The following CD22 variants were observed in gnomAD, a reference collection of about 807,000 sequenced individuals.
The protein encoded by CD22 is B-cell receptor CD22.
CD22 carries 51 observed loss-of-function variants against 94.7 expected under a neutral mutation model. That is an observed-to-expected ratio of 0.54 (90% CI 0.43 to 0.68). CD22 has a LOEUF of 0.68. Among genes scored for constraint, CD22 ranks in the 30% least tolerant of loss-of-function variants. The pLI, the probability that CD22 is intolerant of heterozygous loss-of-function variation, is 0.00. For synonymous variants in CD22, 424 were observed against 422.5 expected (o/e 1.00, Z -0.04); for missense variants, 931 against 1,060.4 (o/e 0.88, Z 1.69).
intron 6 of CD22, among the ~76,000 whole-genome samples, chr19:35,340,575 C>T (rs374301182): frequency 9.9e-5 from 15 of 152,170 alleles, no homozygotes; most frequent in Admixed American, 2.0e-4. Flanking sequence ...CCACCATGCC[C>T]GGCCTCAGGA....
Position 35,336,350 on chromosome 19 carries a change from C to T in CD22, c.718+9C>T. On this transcript the variant is annotated intron_variant, in intron 4 of 13. Coordinates refer to ENST00000085219, the MANE Select transcript of CD22 (RefSeq NM_001771.4). ...GCAGCTGAACGTGAAGCGTGAGTCT[C>T]CCCGGCATGCCTGTGGGAAGGGCAA... 7 of 1,611,820 alleles carry T rather than the reference C, an allele frequency of 4.3e-6. No homozygotes were observed. The highest frequency in any genetic ancestry group is 5.9e-6 in the Non-Finnish European group (7 of 1,178,400).
chr19:35,340,510 C>T (rs1337381414), intron 6 of CD22, among the ~76,000 whole-genome samples: 1 of 152,150 alleles, frequency 6.6e-6, no homozygotes, highest in African/African-American at 2.4e-5. Flanking sequence ...GAACTCCTGA[C>T]CTCAGGTGAT....
At chr19:35,346,527 G>T in intron 13 of CD22, 39 bp from the exon 14 acceptor site, 4 of 1,577,784 alleles carry the variant, frequency 2.5e-6, no homozygotes, top group Non-Finnish European at 2.6e-6. Context: ...GGAGGCTGGC[G>T]ACAGTGGGGC....
At chr19:35,346,336 C>A in intron 13 of CD22, 101 bp downstream of exon 13, 1 of 1,169,964 alleles carries the variant, frequency 8.5e-7, no homozygotes, top group Non-Finnish European at 1.3e-6. Context: ...GTTGGGTAGG[C>A]ATCCGTGGTG....
rs950083658 is a variant in CD22 at position 35,339,770 on chromosome 19, C to T, written c.1250-1111C>T. Among the ~76,000 whole-genome samples, 10 of 152,148 alleles carry T rather than the reference C, an allele frequency of 6.6e-5. No homozygotes were observed. The East Asian group carries it at 1.4e-3, about 21-fold the overall frequency. The stretch of plus-strand genomic sequence containing the variant: ...ACCTGGGAGGCTGAGGCAGGAGAAT[C>T]GCTTGAACCCAGGAGGCAGAGGTTG... On this transcript the variant is annotated intron_variant, in intron 6 of 13. Coordinates refer to ENST00000085219, the MANE Select transcript of CD22 (RefSeq NM_001771.4).
intron 13 of CD22, 72 bp from the exon 14 acceptor site, chr19:35,346,494 A>G: frequency 6.5e-7 from 1 of 1,549,774 alleles, no homozygotes; most frequent in South Asian, 1.2e-5. Context: ...AATGAAGGAG[A>G]GAATGCGGAG....
At chr19:35,335,433 TG>T (rs773698900) in intron 3 of CD22, among the ~76,000 whole-genome samples, 3 of 152,050 alleles carry the variant, frequency 2.0e-5, no homozygotes, top group Non-Finnish European at 2.9e-5. Context: ...GGCACATGCC[TG>T]TAGTCCCAGT....
Position 35,346,254 on chromosome 19 carries a change from G to A in CD22, c.2412+19G>A. 1 of 1,604,658 alleles carries A rather than the reference G, an allele frequency of 6.2e-7. No individual in the cohort carries two copies. Among genetic ancestry groups the A allele is most frequent in the Admixed American group, 1.7e-5 (1 of 60,010 alleles). Reference sequence around the variant, plus strand: ...CCAAGTGGTAAGGAGGGTCTCCCCAGGTCTCCCCAGAGGGGCTGTGGAAGG... The same window carrying A: ...CCAAGTGGTAAGGAGGGTCTCCCCAAGTCTCCCCAGAGGGGCTGTGGAAGG... On this transcript the variant is annotated intron_variant, in intron 13 of 13. Transcript: ENST00000085219.
Position 35,337,319 on chromosome 19 carries a change from G to A in CD22, c.719-436G>A, listed in dbSNP as rs908504723. On this transcript the variant is annotated intron_variant, in intron 4 of 13. Transcript: ENST00000085219. This position sits in a 1 kb window ranked among gnomAD's most constrained non-coding sequence, Gnocchi z 4.4. ...CTGAGGCCGGCACATATTTGGGAGA[G>A]GAGGATTTCAGGGAAAGAGAAGGGC... 3.3e-5 allele frequency among the ~76,000 whole-genome samples: 5 copies of A among 152,180 alleles called. No homozygotes were observed. The South Asian group carries it at 1.0e-3, about 31-fold the overall frequency.
At chr19:35,333,045 C>T (rs2066667716) in intron 3 of CD22, 121 bp downstream of exon 3, 7 of 1,053,224 alleles carry the variant, frequency 6.6e-6, no homozygotes, top group Non-Finnish European at 9.5e-6. Flanking sequence ...GCAGGGGACG[C>T]CAGCGGATGA....
intron 1 of CD22, 139 bp downstream of exon 1, chr19:35,329,369 T>G (rs2066615445): frequency 2.1e-6 from 1 of 468,464 alleles, no homozygotes; most frequent in African/African-American, 2.0e-5. Context: ...TACAACAGGT[T>G]GTAGACAGAC....
intron 12 of CD22, 23 bp downstream of exon 12, chr19:35,345,743 G>A: frequency 6.7e-7 from 1 of 1,499,054 alleles, no homozygotes; most frequent in Non-Finnish European, 9.3e-7. Flanking sequence ...CCAGGAGGGT[G>A]ACCCTGCACC....
chr19:35,344,007 G>A (rs1326176370), intron 9 of CD22, among the ~76,000 whole-genome samples: 1 of 152,152 alleles, frequency 6.6e-6, no homozygotes, highest in Non-Finnish European at 1.5e-5. Context: ...AGACCAGCCT[G>A]GCCAATGGTG....
intron 6 of CD22, 85 bp from the exon 7 acceptor site, chr19:35,340,796 A>G: frequency 3.4e-6 from 5 of 1,469,296 alleles, no homozygotes; most frequent in Non-Finnish European, 4.7e-6. Context: ...TGCCCGGGAC[A>G]GGTAGCGGGA....
rs771539964 is a variant in CD22 at position 35,345,676 on chromosome 19, C to T, written c.2283C>T (p.Ser761=). The part of the protein sequence containing the change: ...CYNPMMEDGI[S]YTTLRFPEMN... ...ATCCAATGATGGAAGATGGCATTAG[C>T]TACACCACCCTGCGCTTTCCCGAGA... The change falls in exon 12 of 14, where the codon AGC becomes AGT. Residue 761 remains serine (S), a synonymous_variant. Transcript: ENST00000085219. 13 of 1,613,868 alleles carry T rather than the reference C, an allele frequency of 8.1e-6. No individual in the cohort carries two copies. Among genetic ancestry groups the T allele is most frequent in the Non-Finnish European group, 1.0e-5 (12 of 1,179,768 alleles).
At chr19:35,331,665 A>G in intron 1 of CD22, 1 of 235,712 alleles carries the variant, frequency 4.2e-6, no homozygotes, top group Non-Finnish European at 8.5e-6. Flanking sequence ...CCAGGCCAAC[A>G]TGGTGAAACC....
At chr19:35,334,550 C>T (rs1431272041) in intron 3 of CD22, among the ~76,000 whole-genome samples, 2 of 152,180 alleles carry the variant, frequency 1.3e-5, no homozygotes, top group Non-Finnish European at 2.9e-5. Flanking sequence ...CACCGTTTCC[C>T]GGATGGGCAG....
Position 35,341,735 on chromosome 19 carries a change from CG to C in CD22, c.1810del (p.Asp604ThrfsTer3), listed in dbSNP as rs2145671527. 1 of 1,611,028 alleles carries C rather than the reference CG, an allele frequency of 6.2e-7. No individual in the cohort carries two copies. On this transcript the variant is annotated frameshift_variant, in exon 9 of 14. Coordinates refer to ENST00000085219, the MANE Select transcript of CD22 (RefSeq NM_001771.4). LOFTEE classifies it high-confidence loss of function. The surrounding 1 kb of genome is among the most constrained non-coding windows in gnomAD (Gnocchi z 4.0). ...AGGAGGCTGCGTGTGTCCATGAGCC[CG>C]GGGGACCAAGTGATGGAGGGGAAGA... ...APRRLRVSMS[P>X]GDQVMEGKSA...
chr19:35,341,525 G>T lies in CD22; in HGVS notation c.1690G>T (p.Glu564Ter). 1.2e-6 allele frequency: 2 copies of T among 1,614,166 alleles called. No homozygotes were observed. The highest frequency in any genetic ancestry group is 1.7e-6 in the Non-Finnish European group (2 of 1,180,036). The part of the protein sequence containing the change: ...SQLNFDSISP[E>*]DAGSYSCWVN... ...GCTGAATTTTGACTCCATCTCCCCA[G>T]AAGATGCTGGGAGTTACAGCTGCTG... Residue 564 changes from glutamate to a stop codon, truncating the protein, a stop_gained, in exon 8 of 14, where the codon GAA (glutamate) becomes TAA (stop). Transcript: ENST00000085219. LOFTEE classifies it high-confidence loss of function. The surrounding 1 kb of genome is among the most constrained non-coding windows in gnomAD (Gnocchi z 4.0).
Sources: allele counts gnomAD v4.1 joint callset (sites outside exome capture counted in the v4.1 genomes callset), GRCh38; gene constraint gnomAD v4.1.1; non-coding constraint Gnocchi (gnomAD v3.1); transcripts MANE v1.5; gene names NCBI Gene and HGNC (gene_info 2026-07-23, HGNC 2026-07-21).